Variants in MTMR14 observed in about 807,000 individuals in gnomAD.
MTMR14 encodes phosphatidylinositol-3,5-bisphosphate 3-phosphatase MTMR14.
MTMR14 carries 48 observed loss-of-function variants against 86.3 expected under a neutral mutation model. The ratio of observed to expected loss-of-function variants is 0.56; its 90% confidence interval spans 0.44 to 0.71. The LOEUF is 0.71. Among genes scored for constraint, MTMR14 ranks in the 30% least tolerant of loss-of-function variants. MTMR14 has a pLI of 0.00. For missense variants in MTMR14, 780 were observed against 834.6 expected (o/e 0.93, Z 0.81); for synonymous variants, 366 against 326.1 (o/e 1.12, Z -1.32).
chr3:9,678,223 C>G (rs2075647662), intron 9 of MTMR14, among the ~76,000 whole-genome samples, 165 bp downstream of exon 9: 2 of 152,162 alleles, frequency 1.3e-5, no homozygotes, highest in Non-Finnish European at 2.9e-5. Context: ...ATTGTGTGTC[C>G]GTTCAACTAT....
chr3:9,674,063 A>G (rs531106906), intron 7 of MTMR14, among the ~76,000 whole-genome samples: 1 of 152,290 alleles, frequency 6.6e-6, no homozygotes, highest in East Asian at 1.9e-4. Context: ...GGGTAACTCC[A>G]TAGCTGGTTT....
rs774005614 is a variant in MTMR14, at chr3:9,683,196, C to T, written c.916C>T (p.Gln306Ter). 25 of 1,614,098 alleles carry T rather than the reference C, an allele frequency of 1.5e-5. No individual in the cohort carries two copies. Among genetic ancestry groups the T allele is most frequent in the Non-Finnish European group, 1.9e-5 (23 of 1,180,034 alleles). Residue 306 changes from glutamine (Q) to a stop codon, truncating the protein, a stop_gained, in exon 10 of 19, where the codon CAA becomes TAA. Coordinates refer to ENST00000296003, the MANE Select transcript of MTMR14 (RefSeq NM_001077525.3). LOFTEE classifies it high-confidence loss of function. Reference protein sequence around the residue: ...SQYQCWDLVQQTQNYLKLLLS... With the variant: ...SQYQCWDLVQ ...CCAACAGTGTTGGGATCTGGTGCAA[C>T]AAACACAAAACTACCTGAAGCTGCT...
At chr3:9,669,032 C>T (rs1354654556) in intron 4 of MTMR14, among the ~76,000 whole-genome samples, 1 of 151,358 alleles carries the variant, frequency 6.6e-6, no homozygotes, top group Non-Finnish European at 1.5e-5. Context: ...CCCAGCTACT[C>T]AGGAGGCTGA....
intron 17 of MTMR14, among the ~76,000 whole-genome samples, chr3:9,696,860 G>A (rs923590810): frequency 1.3e-5 from 2 of 152,220 alleles, no homozygotes; most frequent in Non-Finnish European, 1.5e-5. Flanking sequence ...CCTGGGGACT[G>A]GGACCTGGGG....
In MTMR14 at chr3:9,672,637, T is replaced by G. The variant is rs761100758; in HGVS notation, c.678-48T>G. 2.5e-5 allele frequency: 36 copies of G among 1,457,530 alleles called. No homozygotes were observed. In the Middle Eastern group the frequency reaches 3.1e-3, roughly 126 times the overall value. 90.3% of individuals were successfully genotyped at this position (1,457,530 alleles called of 1,614,324 possible). On this transcript the variant is annotated intron_variant, in intron 6 of 18. Coordinates refer to ENST00000296003, the MANE Select transcript of MTMR14 (RefSeq NM_001077525.3). ...CCCTTATTTGGGGAATGGTGTGTGT[T>G]TGTGTGTGTGTTGCGACACTGTAAC...
At chr3:9,691,372 C>T (rs1017120860) in intron 17 of MTMR14, among the ~76,000 whole-genome samples, 14 of 152,230 alleles carry the variant, frequency 9.2e-5, no homozygotes, top group African/African-American at 3.4e-4. Flanking sequence ...TGCCTGCTGC[C>T]GCACCACCCT....
chr3:9,669,776 G>T (rs1243752095), intron 5 of MTMR14, among the ~76,000 whole-genome samples: 1 of 152,122 alleles, frequency 6.6e-6, no homozygotes, highest in Non-Finnish European at 1.5e-5. Flanking sequence ...CCGAGATAGG[G>T]CCCAGACATC....
Position 9,662,330 on chromosome 3 carries a change from G to C in MTMR14, c.372G>C (p.Arg124=). The change falls in exon 3 of 19, where the codon CGG becomes CGC. Residue 124 remains arginine, a synonymous_variant. Coordinates refer to ENST00000296003, the MANE Select transcript of MTMR14 (RefSeq NM_001077525.3). ...QDLIHRSKMA[R]CRGRFVCPVI... The stretch of plus-strand genomic sequence containing the variant: ...TCATCCACCGCAGCAAGATGGCCCG[G>C]TGCAGAGGACGGTTTGTCTGCCCAG... 1 of 1,613,642 alleles carries C rather than the reference G, an allele frequency of 6.2e-7. No individual in the cohort carries two copies. The highest frequency in any genetic ancestry group is 2.2e-5 in the East Asian group (1 of 44,876).
At position 9,649,641 on chromosome 3, in the gene MTMR14, G is replaced by T. The variant is rs992229736; in HGVS notation, c.58G>T (p.Gly20Cys). Reference sequence around the variant, plus strand: ...CTCGGCGGGGTCCTCGGCCTCTTCAGGCAACCAGCCGCCTCAGGAGCTGGG... The same window carrying T: ...CTCGGCGGGGTCCTCGGCCTCTTCATGCAACCAGCCGCCTCAGGAGCTGGG... ...AASAGSSASS[G>C]NQPPQELGLG... Residue 20 changes from glycine to cysteine, a missense_variant, in exon 1 of 19, where the codon GGC (glycine) becomes TGC (cysteine). Gly to Cys is a radical substitution (Grantham distance 159, BLOSUM62 -3). Coordinates refer to ENST00000296003, the MANE Select transcript of MTMR14 (RefSeq NM_001077525.3). 3.4e-5 allele frequency: 53 copies of T among 1,573,662 alleles called. No homozygotes were observed. The highest frequency in any genetic ancestry group is 4.4e-5 in the Non-Finnish European group (51 of 1,160,774).
In MTMR14 at chr3:9,683,657, G is replaced by A. The variant is rs1201792463; in HGVS notation, c.964+413G>A. 2.4e-5 allele frequency: 5 copies of A among 204,158 alleles called. No homozygotes were observed. In the East Asian group the frequency reaches 6.3e-4, roughly 26 times the overall value. 12.6% of individuals were successfully genotyped at this position (204,158 alleles called of 1,614,324 possible). A position where few individuals can be genotyped will look rare whatever the true frequency, so the allele number is the denominator to read the frequency against. ...CCAGAGTCCTCCACCCAGTTTGGCT[G>A]TTTTGATTGGATGGGCCTGGCTTGC... On this transcript the variant is annotated intron_variant, in intron 10 of 18. Coordinates refer to ENST00000296003, the MANE Select transcript of MTMR14 (RefSeq NM_001077525.3).
intron 5 of MTMR14, 143 bp downstream of exon 5, chr3:9,669,635 T>C (rs2048463919): frequency 3.6e-6 from 3 of 837,340 alleles, no homozygotes; most frequent in African/African-American, 1.7e-5. Context: ...CTGCCAAGTC[T>C]GTGCCCCTGA....
At chr3:9,670,162 A>G (rs1344494071) in intron 5 of MTMR14, among the ~76,000 whole-genome samples, 1 of 152,248 alleles carries the variant, frequency 6.6e-6, no homozygotes, top group Non-Finnish European at 1.5e-5. Context: ...GGTGTCAAGC[A>G]TCTCTGGAAT....
At chr3:9,697,568 C>CTT in intron 17 of MTMR14, 143 bp from the exon 18 acceptor site, 20 of 801,446 alleles carry the variant, frequency 2.5e-5, no homozygotes, top group South Asian at 4.1e-5. Context: ...ACTTGTCCAG[C>CTT]TTTTTTTTTT....
At chr3:9,653,542 T>G in intron 1 of MTMR14, 79 bp from the exon 2 acceptor site, 1 of 1,583,892 alleles carries the variant, frequency 6.3e-7, no homozygotes, top group Non-Finnish European at 8.7e-7. Flanking sequence ...CCCAGTGACC[T>G]CTTAGGCCAT....
Position 9,701,797 on chromosome 3 carries a change from G to A in MTMR14, c.1777G>A (p.Ala593Thr). The A allele has an allele frequency of 5.6e-6, 9 of 1,613,812 alleles. No individual in the cohort carries two copies. The highest frequency in any genetic ancestry group is 7.6e-6 in the Non-Finnish European group (9 of 1,180,044). ...DELPNSCLLA[A>T]LSDRETRLQE... is the part of the protein sequence containing the mutation. ...CTCTTGACCTCCCCATAGGCTTGCA[G>A]CCCTGAGTGATCGAGAGACTCGGCT... The change falls in exon 19 of 19, where the codon GCC becomes ACC. Residue 593 changes from alanine to threonine, a missense_variant. Ala to Thr is a moderately conservative substitution (Grantham distance 58). Transcript: ENST00000296003. This position sits in a 1 kb window ranked among gnomAD's most constrained non-coding sequence, Gnocchi z 4.2.
rs2076481225 is a variant in MTMR14 at position 9,702,181 on chromosome 3, T to G, written c.*208T>G. On this transcript the variant is annotated 3_prime_UTR_variant, in exon 19 of 19. Coordinates refer to ENST00000296003, the MANE Select transcript of MTMR14 (RefSeq NM_001077525.3). ...CTCTTGACTGGTGACCACCACCCCT[T>G]CTTGTCACTGTCTCCCACCCACCCC... is the stretch of plus-strand genomic sequence containing the variant. 1.6e-6 allele frequency: 1 copy of G among 637,352 alleles called. No individual in the cohort carries two copies. The highest frequency in any genetic ancestry group is 1.8e-5 in the South Asian group (1 of 56,628). The allele number at this position is 637,352 out of a possible 1,614,324, so 39.5% of individuals were successfully genotyped here. A position where few individuals can be genotyped will look rare whatever the true frequency, so the allele number is the denominator to read the frequency against.
intron 17 of MTMR14, among the ~76,000 whole-genome samples, chr3:9,695,808 A>G (rs1322518689): frequency 6.6e-6 from 1 of 152,162 alleles, no homozygotes; most frequent in East Asian, 1.9e-4. Flanking sequence ...CTGCAGCTTG[A>G]ACAATAGACG....
intron 14 of MTMR14, 137 bp from the exon 15 acceptor site, chr3:9,688,559 C>T (rs1262703297): frequency 2.1e-6 from 2 of 944,754 alleles, no homozygotes; most frequent in Admixed American, 2.0e-5. Context: ...TGTCTTATAA[C>T]ACTCCCTAGG....
intron 3 of MTMR14, among the ~76,000 whole-genome samples, chr3:9,664,347 C>T (rs1039378110): frequency 2.0e-5 from 3 of 151,400 alleles, no homozygotes; most frequent in Non-Finnish European, 4.4e-5. Context: ...ATGTGGCTCA[C>T]GGTAGGCACT....
Sources: allele counts gnomAD v4.1 joint callset (sites outside exome capture counted in the v4.1 genomes callset), GRCh38; gene constraint gnomAD v4.1.1; non-coding constraint Gnocchi (gnomAD v3.1); transcripts MANE v1.5; gene names NCBI Gene and HGNC (gene_info 2026-07-23, HGNC 2026-07-21).